The following CMTM3 variants were observed in gnomAD, a reference collection of about 807,000 sequenced individuals.
CMTM3 encodes the protein CKLF-like MARVEL transmembrane domain-containing protein 3.
CMTM3 carries 7 observed loss-of-function variants against 18.2 expected under a neutral mutation model. The ratio of observed to expected loss-of-function variants is 0.38; its 90% CI spans 0.22 to 0.72. The LOEUF (loss-of-function observed/expected upper bound fraction) is 0.72. Among genes scored for constraint, CMTM3 ranks in the 30% least tolerant of loss-of-function variants. The probability of loss-of-function intolerance (pLI) is 0.46; values close to 1 mark genes in which losing one functional copy is unlikely to be tolerated. For synonymous variants in CMTM3, 109 were observed against 111.2 expected (o/e 0.98, Z 0.12); for missense variants, 227 against 249.2 (o/e 0.91, Z 0.60).
In CMTM3 at chr16:66,609,907, G is replaced by A. The variant is rs142471076; in HGVS notation, c.424G>A (p.Val142Met). The change falls in exon 4 of 5, where the codon GTG (valine) becomes ATG (methionine). Residue 142 changes from valine to methionine, a missense_variant. By Grantham distance (21) the Val-to-Met change is conservative. Coordinates refer to ENST00000567572, the MANE Select transcript of CMTM3 (RefSeq NM_181553.4). This position sits in a 1 kb window ranked among gnomAD's most constrained non-coding sequence, Gnocchi z 4.4. ...AGVFGFFATI[V>M]FATDFYLIFN... Reference sequence around the variant, plus strand: ...GGTGTTTGGCTTCTTTGCTACCATCGTGTTTGCAACTGATTTCTACCTGAT... The same window carrying A: ...GGTGTTTGGCTTCTTTGCTACCATCATGTTTGCAACTGATTTCTACCTGAT... The A allele has an allele frequency of 1.6e-4, 255 of 1,614,118 alleles. No individual in the cohort carries two copies. In the African/African-American group the frequency reaches 2.3e-3, roughly 15 times the overall value.
rs527786051 is a variant in CMTM3 at position 66,612,910 on chromosome 16, G to A, written c.*273G>A. On this transcript the variant is annotated 3_prime_UTR_variant, in exon 5 of 5. Coordinates refer to ENST00000567572, the MANE Select transcript of CMTM3 (RefSeq NM_181553.4). This position sits in a 1 kb window ranked among gnomAD's most constrained non-coding sequence, Gnocchi z 6.0. ...TCCCACAGGCCTTCAGCCCTTTAAC[G>A]TCTCTGCCAAAAACCAGCACAAGGA... 10 of 621,586 alleles carry A rather than the reference G, an allele frequency of 1.6e-5. No individual in the cohort carries two copies. Among genetic ancestry groups the A allele is most frequent in the South Asian group, 1.1e-4 (6 of 54,402 alleles). The allele number at this position is 621,586 out of a possible 1,614,324, so 38.5% of individuals were successfully genotyped here.
Position 66,613,230 on chromosome 16 carries a change from A to T in CMTM3, c.*593A>T, listed in dbSNP as rs2015451180. On this transcript the variant is annotated 3_prime_UTR_variant, in exon 5 of 5. Transcript: ENST00000567572. The stretch of plus-strand genomic sequence containing the variant: ...GCCCAGGAAGTGGGGCTCGGCACCC[A>T]TAACTAACACCTCCCACCCTTGGAA... 8.8e-6 allele frequency: 6 copies of T among 679,828 alleles called. No homozygotes were observed. In the South Asian group the frequency reaches 9.3e-5, roughly 11 times the overall value. The allele number at this position is 679,828 out of a possible 1,614,324, so 42.1% of individuals were successfully genotyped here.
Position 66,604,946 on chromosome 16 carries a change from C to G in CMTM3, c.141C>G (p.Ala47=). ...CTCTCAAAGGCCGCCTCCTGCTGGCCGAGTCGGTGAGTGCGGCGGGACCCT... is the reference window on the plus strand; with the variant it reads ...CTCTCAAAGGCCGCCTCCTGCTGGCGGAGTCGGTGAGTGCGGCGGGACCCT... The part of the protein sequence containing the change: ...LCSLKGRLLL[A]ESGLSFITFI... The change falls in exon 1 of 5, where the codon GCC becomes GCG. Residue 47 remains alanine (A), a synonymous_variant. Transcript: ENST00000567572. 6.6e-7 allele frequency: 1 copy of G among 1,504,876 alleles called. No homozygotes were observed. Among genetic ancestry groups the G allele is most frequent in the Non-Finnish European group, 8.8e-7 (1 of 1,137,560 alleles). 93.2% of individuals were successfully genotyped at this position (1,504,876 alleles called of 1,614,324 possible). A position where few individuals can be genotyped will look rare whatever the true frequency, so the allele number is the denominator to read the frequency against.
intron 1 of CMTM3, among the ~76,000 whole-genome samples, chr16:66,606,681 C>T (rs2015167742): frequency 1.3e-5 from 2 of 152,188 alleles, no homozygotes; most frequent in Admixed American, 6.5e-5. Context: ...CCAACACCCA[C>T]AGGGCCAAGT....
chr16:66,605,782 A>G lies in CMTM3; in HGVS notation c.147+830A>G, dbSNP rs2015127818. Among the ~76,000 whole-genome samples the G allele has an allele frequency of 6.6e-6, 1 of 152,172 alleles. No individual in the cohort carries two copies. Among genetic ancestry groups the G allele is most frequent in the South Asian group, 2.1e-4 (1 of 4,832 alleles). ...ACTGAGGGGCCCAGTGAGAGCGGCC[A>G]GGAGGGTGGGGGCAGGAGGAAGGGG... On this transcript the variant is annotated intron_variant, in intron 1 of 4. Transcript: ENST00000567572. The surrounding 1 kb of genome is among the most constrained non-coding windows in gnomAD (Gnocchi z 4.6).
In CMTM3 at chr16:66,612,284, T is replaced by G. The variant is rs899189310; in HGVS notation, c.521-325T>G. On this transcript the variant is annotated intron_variant, in intron 4 of 4. Transcript: ENST00000567572. This position sits in a 1 kb window ranked among gnomAD's most constrained non-coding sequence, Gnocchi z 6.0. ...AGCCAGGTGTGGTGGCACACGCTTA[T>G]AATCCCAGCTACTCGGGAGGGAGGA... is the stretch of plus-strand genomic sequence containing the variant. Among the ~76,000 whole-genome samples the G allele has an allele frequency of 2.6e-5, 4 of 152,100 alleles. No homozygotes were observed. The highest frequency in any genetic ancestry group is 9.7e-5 in the African/African-American group (4 of 41,388).
chr16:66,609,780 G>A lies in CMTM3; in HGVS notation c.400-103G>A, dbSNP rs1446412231. The A allele has an allele frequency of 6.2e-7, 1 of 1,610,150 alleles. No individual in the cohort carries two copies. Among genetic ancestry groups the A allele is most frequent in the South Asian group, 1.1e-5 (1 of 90,812 alleles). ...ACAGGGGTCTGTGCCTGACACTCGG[G>A]CTGTTTGTCCAAGCAGATCTGAAAT... On this transcript the variant is annotated intron_variant, in intron 3 of 4. Transcript: ENST00000567572. This position sits in a 1 kb window ranked among gnomAD's most constrained non-coding sequence, Gnocchi z 4.4.
At chr16:66,611,174 C>T (rs2015362546) in intron 4 of CMTM3, 1 of 255,614 alleles carries the variant, frequency 3.9e-6, no homozygotes, top group African/African-American at 2.2e-5. Flanking sequence ...ATATAGCAGC[C>T]AGGCACAGTG....
rs2015400734 is a variant in CMTM3, at chr16:66,612,157, G to A, written c.521-452G>A. Among the ~76,000 whole-genome samples the A allele has an allele frequency of 6.6e-6, 1 of 152,208 alleles. No homozygotes were observed. Among genetic ancestry groups the A allele is most frequent in the South Asian group, 2.1e-4 (1 of 4,834 alleles). On this transcript the variant is annotated intron_variant, in intron 4 of 4. Transcript: ENST00000567572. This position sits in a 1 kb window ranked among gnomAD's most constrained non-coding sequence, Gnocchi z 6.0. ...CGGCCGGGCACGGTGGCTCACGCCTGTTACCCCAGCACTTTGGGAGGCTGA... is the reference window on the plus strand; with the variant it reads ...CGGCCGGGCACGGTGGCTCACGCCTATTACCCCAGCACTTTGGGAGGCTGA...
intron 4 of CMTM3, among the ~76,000 whole-genome samples, chr16:66,611,283 T>G (rs1278549731): frequency 6.6e-6 from 1 of 151,952 alleles, no homozygotes; most frequent in South Asian, 2.1e-4. Context: ...TGAAACCCCA[T>G]CTCTACTAAA....
chr16:66,608,268 A>G lies in CMTM3; in HGVS notation c.148-41A>G. 6.2e-7 allele frequency: 1 copy of G among 1,611,208 alleles called. No homozygotes were observed. Among genetic ancestry groups the G allele is most frequent in the Non-Finnish European group, 8.5e-7 (1 of 1,178,096 alleles). ...CTCAGAGGAGCACTGGACAAGGAAC[A>G]TGAAAAGGCTCTGACTTCACCTCAA... On this transcript the variant is annotated intron_variant, in intron 1 of 4. Coordinates refer to ENST00000567572, the MANE Select transcript of CMTM3 (RefSeq NM_181553.4). This position sits in a 1 kb window ranked among gnomAD's most constrained non-coding sequence, Gnocchi z 5.1.
Position 66,609,893 on chromosome 16 carries a change from T to G in CMTM3, c.410T>G (p.Phe137Cys). 6.2e-7 allele frequency: 1 copy of G among 1,614,172 alleles called. No homozygotes were observed. The highest frequency in any genetic ancestry group is 2.2e-5 in the East Asian group (1 of 44,862). Residue 137 changes from phenylalanine (F) to cysteine (C), a missense_variant, in exon 4 of 5, where the codon TTC becomes TGC. By Grantham distance (205) the Phe-to-Cys change is radical. Coordinates refer to ENST00000567572, the MANE Select transcript of CMTM3 (RefSeq NM_181553.4). This position sits in a 1 kb window ranked among gnomAD's most constrained non-coding sequence, Gnocchi z 4.4. The stretch of plus-strand genomic sequence containing the variant: ...CCACCCTGTCCACAGGTGTTTGGCT[T>G]CTTTGCTACCATCGTGTTTGCAACT... The part of the protein sequence containing the change: ...GASKAAGVFG[F>C]FATIVFATDF...
chr16:66,607,008 G>C (rs1219437763), intron 1 of CMTM3, among the ~76,000 whole-genome samples: 1 of 152,164 alleles, frequency 6.6e-6, no homozygotes, highest in Non-Finnish European at 1.5e-5. Context: ...GCGGAGGTAA[G>C]ATAACTCTAT....
chr16:66,612,504 G>C lies in CMTM3; in HGVS notation c.521-105G>C. 1 of 1,198,434 alleles carries C rather than the reference G, an allele frequency of 8.3e-7. No homozygotes were observed. Among genetic ancestry groups the C allele is most frequent in the South Asian group, 1.3e-5 (1 of 74,462 alleles). The allele number at this position is 1,198,434 out of a possible 1,614,324, so 74.2% of individuals were successfully genotyped here. ...CGGTAGAGTCAGCTGCAGGAGGCCT[G>C]CACCCAGGCTCCTGCCAGCAACCCA... is the stretch of plus-strand genomic sequence containing the variant. On this transcript the variant is annotated intron_variant, in intron 4 of 4. Transcript: ENST00000567572. This position sits in a 1 kb window ranked among gnomAD's most constrained non-coding sequence, Gnocchi z 6.0.
At chr16:66,606,175 G>A (rs558336640) in intron 1 of CMTM3, among the ~76,000 whole-genome samples, 5 of 152,052 alleles carry the variant, frequency 3.3e-5, no homozygotes, top group Admixed American at 1.3e-4. Flanking sequence ...CACAGGAGCC[G>A]CTGAGGGCAC....
chr16:66,608,228 G>T lies in CMTM3; in HGVS notation c.148-81G>T. 2 of 1,521,534 alleles carry T rather than the reference G, an allele frequency of 1.3e-6. No homozygotes were observed. The highest frequency in any genetic ancestry group is 1.8e-6 in the Non-Finnish European group (2 of 1,108,286). The allele number at this position is 1,521,534 out of a possible 1,614,324, so 94.3% of individuals were successfully genotyped here. A position where few individuals can be genotyped will look rare whatever the true frequency, so the allele number is the denominator to read the frequency against. On this transcript the variant is annotated intron_variant, in intron 1 of 4. Coordinates refer to ENST00000567572, the MANE Select transcript of CMTM3 (RefSeq NM_181553.4). The surrounding 1 kb of genome is among the most constrained non-coding windows in gnomAD (Gnocchi z 5.1). ...CCCCTGCTGGAACCTCCTCTATCCT[G>T]ACCACAGGGCCTGGCTCAGAGGAGC...
intron 4 of CMTM3, chr16:66,611,004 G>C (rs772764811): frequency 1.5e-5 from 6 of 397,888 alleles, no homozygotes; most frequent in African/African-American, 2.1e-5. Context: ...GTTGCCCGCA[G>C]CAAGTGATCC....
In CMTM3 at chr16:66,612,071, TG is replaced by T. The variant is rs1246764334; in HGVS notation, c.521-534del. On this transcript the variant is annotated intron_variant, in intron 4 of 4. Coordinates refer to ENST00000567572, the MANE Select transcript of CMTM3 (RefSeq NM_181553.4). This position sits in a 1 kb window ranked among gnomAD's most constrained non-coding sequence, Gnocchi z 6.0. ...GGAAGGGGCACCTGGGCTTCAGTCT[TG>T]GGGTGGAAACACCCCCACCTGCACC... 5.3e-5 allele frequency among the ~76,000 whole-genome samples: 8 copies of T among 152,106 alleles called. No homozygotes were observed. The highest frequency in any genetic ancestry group is 1.2e-4 in the Non-Finnish European group (8 of 68,002).
At chr16:66,611,799 A>T (rs2015386493) in intron 4 of CMTM3, among the ~76,000 whole-genome samples, 1 of 152,154 alleles carries the variant, frequency 6.6e-6, no homozygotes, top group African/African-American at 2.4e-5. Flanking sequence ...GCAGGCCCTT[A>T]CCATTATAAA....
Sources: gnomAD v4.1 joint callset for allele counts (sites outside exome capture counted in the v4.1 genomes callset) on GRCh38, gnomAD v4.1.1 for gene constraint, Gnocchi (gnomAD v3.1) non-coding constraint, MANE v1.5 for transcripts, NCBI Gene and HGNC (gene_info 2026-07-23, HGNC 2026-07-21) for gene names.